The following MTUS2 variants were observed in gnomAD, a reference collection of about 807,000 sequenced individuals.
The protein encoded by MTUS2 is microtubule-associated tumor suppressor candidate 2.
A neutral mutation model predicts 114.1 loss-of-function variants in MTUS2; 40 were observed. The ratio of observed to expected loss-of-function variants is 0.35; its 90% CI spans 0.27 to 0.46. The LOEUF (loss-of-function observed/expected upper bound fraction) is 0.46, where lower values mean the gene tolerates loss of function less well. Among genes scored for constraint, MTUS2 ranks in the 20% least tolerant of loss-of-function variants. The pLI is 1.00. For missense variants in MTUS2, 1,679 were observed against 1,705.4 expected, an observed-to-expected ratio of 0.98 and a Z score of 0.27; for synonymous variants, 688 against 672.0, an observed-to-expected ratio of 1.02 and a Z score of -0.37.
At chr13:28,964,237 ACT>A (rs929450152) in intron 2 of MTUS2, among the ~76,000 whole-genome samples, 3 of 151,910 alleles carry the variant, frequency 2.0e-5, no homozygotes, top group African/African-American at 7.3e-5. Flanking sequence ...AATACTGCTG[ACT>A]CTGCTGCTAA....
At chr13:29,154,164 A>G (rs1411679798) in intron 5 of MTUS2, among the ~76,000 whole-genome samples, 2 of 152,230 alleles carry the variant, frequency 1.3e-5, no homozygotes, top group African/African-American at 4.8e-5. Flanking sequence ...ATGTTACTAC[A>G]TTTCATAGAT....
intron 8 of MTUS2, among the ~76,000 whole-genome samples, chr13:29,388,668 A>T (rs1872798248): frequency 6.6e-6 from 1 of 151,722 alleles, no homozygotes; most frequent in Non-Finnish European, 1.5e-5. Context: ...ACCTTTTAAA[A>T]ATAAAATTAA....
chr13:29,127,955 C>T (rs1891591086), intron 5 of MTUS2, among the ~76,000 whole-genome samples: 3 of 152,206 alleles, frequency 2.0e-5, no homozygotes, highest in Non-Finnish European at 4.4e-5. Context: ...AAGAACCTAT[C>T]CCTGCTTTTC....
chr13:29,075,574 C>T (rs1383809769), intron 4 of MTUS2, among the ~76,000 whole-genome samples: 1 of 152,144 alleles, frequency 6.6e-6, no homozygotes, highest in Non-Finnish European at 1.5e-5. Context: ...GGATTCACTC[C>T]ATTAGATAAA....
At chr13:29,147,443 C>T (rs1389625548) in intron 5 of MTUS2, among the ~76,000 whole-genome samples, 2 of 152,004 alleles carry the variant, frequency 1.3e-5, no homozygotes, top group Non-Finnish European at 2.9e-5. Flanking sequence ...AAAATTTTAG[C>T]TTTACTTTTA....
intron 1 of MTUS2, among the ~76,000 whole-genome samples, chr13:28,821,133 ACTCT>A (rs1258673720): frequency 6.6e-6 from 1 of 151,982 alleles, no homozygotes; most frequent in Non-Finnish European, 1.5e-5. Flanking sequence ...AGGCGCCTGT[ACTCT>A]CTGTTATATA....
chr13:28,963,928 C>G (rs75605218), intron 2 of MTUS2, among the ~76,000 whole-genome samples: 1,902 of 152,294 alleles, frequency 0.012, 24 homozygotes, highest in South Asian at 0.028. Context: ...CAGTCTCCCC[C>G]CAGCCTGACC....
chr13:29,475,308 A>T (rs568160711), intron 9 of MTUS2, among the ~76,000 whole-genome samples: 1 of 152,284 alleles, frequency 6.6e-6, no homozygotes, highest in East Asian at 1.9e-4. Context: ...TCTAGCACAT[A>T]TAATTATGTT....
intron 5 of MTUS2, among the ~76,000 whole-genome samples, chr13:29,227,062 A>G (rs1896135294): frequency 6.6e-6 from 1 of 152,132 alleles, no homozygotes; most frequent in Admixed American, 6.5e-5. Context: ...GTCTGAGACC[A>G]GCCTGCCCAA....
At chr13:28,869,219 G>A (rs73454644) in intron 2 of MTUS2, among the ~76,000 whole-genome samples, 10,201 of 152,142 alleles carry the variant, frequency 0.067, 1,115 homozygotes, top group African/African-American at 0.23. Context: ...ACCTGCTGTG[G>A]GTTTCTGAGT....
At chr13:29,443,201 T>C (rs1454818753) in intron 9 of MTUS2, among the ~76,000 whole-genome samples, 1 of 152,202 alleles carries the variant, frequency 6.6e-6, no homozygotes, top group Non-Finnish European at 1.5e-5. Flanking sequence ...GTGACTCTCA[T>C]AACTATCCGG....
At chr13:29,171,008 G>A (rs1893533532) in intron 5 of MTUS2, among the ~76,000 whole-genome samples, 1 of 152,140 alleles carries the variant, frequency 6.6e-6, no homozygotes, top group Non-Finnish European at 1.5e-5. Flanking sequence ...CTGACTCTTA[G>A]AAATTTCCTG....
At chr13:28,828,600 C>T (rs1593227103) in intron 1 of MTUS2, among the ~76,000 whole-genome samples, 1 of 152,122 alleles carries the variant, frequency 6.6e-6, no homozygotes, top group Non-Finnish European at 1.5e-5. Flanking sequence ...TGTTCTTCTG[C>T]CATGGCTTCA....
At chr13:28,877,235 A>C (rs771695125) in intron 2 of MTUS2, among the ~76,000 whole-genome samples, 1 of 151,268 alleles carries the variant, frequency 6.6e-6, no homozygotes, top group African/African-American at 2.4e-5. Flanking sequence ...GGAGGATGGC[A>C]TGAACCCAGG....
intron 2 of MTUS2, among the ~76,000 whole-genome samples, chr13:28,916,310 G>A (rs1211264851): frequency 4.0e-5 from 6 of 151,672 alleles, no homozygotes; most frequent in Admixed American, 2.0e-4. Flanking sequence ...ACATATTAGC[G>A]TTGTTTTTTC....
intron 2 of MTUS2, among the ~76,000 whole-genome samples, chr13:28,857,207 G>C (rs1330022160): frequency 6.6e-6 from 1 of 152,214 alleles, no homozygotes; most frequent in African/African-American, 2.4e-5. Flanking sequence ...AGGGAATGTT[G>C]TACCAACTGA....
At chr13:29,343,560 T>G (rs1251155168) in intron 7 of MTUS2, among the ~76,000 whole-genome samples, 2 of 152,124 alleles carry the variant, frequency 1.3e-5, no homozygotes, top group African/African-American at 2.4e-5. Context: ...TCTTGGTTCA[T>G]CTTGCTAATG....
At chr13:28,841,974 C>T (rs542240677) in intron 2 of MTUS2, among the ~76,000 whole-genome samples, 56 of 152,262 alleles carry the variant, frequency 3.7e-4, no homozygotes, top group African/African-American at 1.1e-3. Context: ...CGTGAGCCAC[C>T]GCGCCCGGCC....
chr13:29,422,218 A>G (rs904794727), intron 8 of MTUS2, among the ~76,000 whole-genome samples: 2 of 152,186 alleles, frequency 1.3e-5, no homozygotes, highest in Non-Finnish European at 2.9e-5. Flanking sequence ...CTTAAGACAT[A>G]AGCTTTAGAG....
Sources: allele counts gnomAD v4.1 joint callset (sites outside exome capture counted in the v4.1 genomes callset), GRCh38; gene constraint gnomAD v4.1.1; transcripts MANE v1.5; gene names NCBI Gene and HGNC (gene_info 2026-07-23, HGNC 2026-07-21).